The following ITIH6 variants were observed in gnomAD, a reference collection of about 807,000 sequenced individuals.
ITIH6 encodes inter-alpha-trypsin inhibitor heavy chain H6.
A neutral mutation model predicts 58.2 loss-of-function variants in ITIH6; 60 were observed. The observed-to-expected ratio is 1.03, with a 90% CI of 0.84 to 1.28. The LOEUF (loss-of-function observed/expected upper bound fraction) is 1.28, where lower values mean the gene tolerates loss of function less well. ITIH6 is among the 50% of genes most tolerant of loss of function. ITIH6 has a pLI of 0.00. For synonymous variants in ITIH6, 493 were observed against 417.4 expected, an observed-to-expected ratio of 1.18 and a Z score of -2.21; for missense variants, 1,290 against 1,021.1, an observed-to-expected ratio of 1.26 and a Z score of -3.59.
chrX:54,791,188 G>T, intron 3 of ITIH6, 104 bp from the exon 4 acceptor site: 2 of 812,157 alleles, frequency 2.5e-6, no homozygotes, highest in East Asian at 6.9e-5. Flanking sequence ...GGTCCCAGCC[G>T]ACCTGACTAG....
chrX:54,759,308 A>AC (rs368552046), intron 7 of ITIH6, among the ~76,000 whole-genome samples: 1,432 of 108,108 alleles, frequency 0.013, 17 homozygotes, highest in African/African-American at 0.045. Flanking sequence ...CAAGGCTAGC[A>AC]CCCCCCCCTC....
Position 54,748,998 on chromosome X carries a change from T to G in ITIH6, c.*897A>C, listed in dbSNP as rs1602047666. On this transcript the variant is annotated 3_prime_UTR_variant, in exon 13 of 13. Transcript: ENST00000218436. The stretch of plus-strand genomic sequence containing the variant: ...ATCTTTTTATGTCTCTATACCCCTA[T>G]GTCCATGTTTGTTTTGTGATTCCTG... 1 of 111,267 alleles carries G rather than the reference T, an allele frequency of 9.0e-6. No homozygotes were observed. The highest frequency in any genetic ancestry group is 3.8e-4 in the South Asian group (1 of 2,608). The allele number at this position is 111,267 out of a possible 1,213,427, so 9.2% of individuals were successfully genotyped here. A position where few individuals can be genotyped will look rare whatever the true frequency, so the allele number is the denominator to read the frequency against.
chrX:54,766,310 G>T (rs1440832784), intron 6 of ITIH6, among the ~76,000 whole-genome samples: 1 of 93,369 alleles, frequency 1.1e-5, no homozygotes, highest in African/African-American at 4.0e-5. Flanking sequence ...GGGTTTTCTA[G>T]ATAAACAATC....
intron 2 of ITIH6, 105 bp from the exon 3 acceptor site, chrX:54,792,141 G>T: frequency 1.9e-6 from 1 of 539,748 alleles, no homozygotes; most frequent in East Asian, 3.4e-5. Flanking sequence ...GGTAGAGATA[G>T]GGAAAGAGAA....
chrX:54,753,453 C>T (rs995633524), intron 11 of ITIH6, among the ~76,000 whole-genome samples, 198 bp downstream of exon 11: 14 of 110,386 alleles, frequency 1.3e-4, no homozygotes, highest in African/African-American at 2.0e-4. Context: ...CCCTTTTGTG[C>T]GTGTATCTGT....
At chrX:54,797,878 T>C (rs1929471721) in intron 1 of ITIH6, among the ~76,000 whole-genome samples, 1 of 111,053 alleles carries the variant, frequency 9.0e-6, no homozygotes, top group African/African-American at 3.3e-5. Flanking sequence ...ATAATGGGGA[T>C]AATAATATAG....
intron 12 of ITIH6, 92 bp from the exon 13 acceptor site, chrX:54,750,198 T>C: frequency 1.4e-6 from 1 of 706,550 alleles, no homozygotes; most frequent in Non-Finnish European, 2.1e-6. Context: ...TCCAGAGGGA[T>C]TTAAAGGAGG....
In ITIH6 at chrX:54,761,634, C is replaced by T. The variant is rs368003836; in HGVS notation, c.904-1707G>A. Among the ~76,000 whole-genome samples, 9 of 111,088 alleles carry T rather than the reference C, an allele frequency of 8.1e-5. No homozygotes were observed. In the East Asian group the frequency reaches 2.2e-3, roughly 28 times the overall value. ...TTTGTATAAGGTGTAAGGAAGGGAT[C>T]CAGTTTCAGCTTTCTACATATGGCT... On this transcript the variant is annotated intron_variant, in intron 6 of 12. Transcript: ENST00000218436.
At chrX:54,759,094 C>A in intron 7 of ITIH6, 96 bp from the exon 8 acceptor site, 1 of 602,828 alleles carries the variant, frequency 1.7e-6, no homozygotes. Context: ...AGGCTCACAG[C>A]TCCTTATCTT....
rs372699516 is a variant in ITIH6, at chrX:54,788,595, C to T, written c.671G>A (p.Arg224Gln). Residue 224 changes from arginine (R) to glutamine (Q), a missense_variant, in exon 5 of 13, where the codon CGA becomes CAA. Arg to Gln is a conservative substitution (Grantham distance 43, BLOSUM62 1). Transcript: ENST00000218436. Reference protein sequence around the residue: ...TRIERGETCVRITYCPTLQDQ... With the variant: ...TRIERGETCVQITYCPTLQDQ... ...TTGCAATGTCGGGCAGTAGGTGATT[C>T]GGACACAGGTCTCTCCCCTCTCGAT... The T allele has an allele frequency of 4.0e-5, 48 of 1,207,517 alleles. No homozygotes were observed. The highest frequency in any genetic ancestry group is 5.3e-5 in the South Asian group (3 of 56,587).
At chrX:54,776,463 G>A (rs756993122) in intron 5 of ITIH6, among the ~76,000 whole-genome samples, 1 of 110,165 alleles carries the variant, frequency 9.1e-6, no homozygotes, top group Non-Finnish European at 1.9e-5. Flanking sequence ...AGCAGCTAGG[G>A]CAGCTAAGTG....
chrX:54,758,070 G>A lies in ITIH6; in HGVS notation c.2004C>T (p.Phe668=). 1 of 1,211,540 alleles carries A rather than the reference G, an allele frequency of 8.3e-7. No individual in the cohort carries two copies. The highest frequency in any genetic ancestry group is 3.0e-5 in the East Asian group (1 of 33,824). The change falls in exon 8 of 13, where the codon TTC becomes TTT. Residue 668 remains phenylalanine, a synonymous_variant. Transcript: ENST00000218436. ...AGGCAGTAGTAGTTGAGGATAAGTAGAACTTTGGTTTCACAGGCCTTGATT... is the reference window on the plus strand; with the variant it reads ...AGGCAGTAGTAGTTGAGGATAAGTAAAACTTTGGTTTCACAGGCCTTGATT... The part of the protein sequence containing the change: ...SPKSRPVKPK[F]YLSSTTTAST...
At chrX:54,764,915 G>A (rs1385071888) in intron 6 of ITIH6, among the ~76,000 whole-genome samples, 1 of 98,738 alleles carries the variant, frequency 1.0e-5, no homozygotes. Context: ...ATCCTCTCCA[G>A]CACCTGTTGT....
chrX:54,773,940 C>G (rs1050334941), intron 6 of ITIH6, 141 bp downstream of exon 6: 1 of 323,064 alleles, frequency 3.1e-6, no homozygotes, highest in African/African-American at 2.8e-5. Context: ...TACCAGGACC[C>G]TAGGGTAGGC....
intron 6 of ITIH6, among the ~76,000 whole-genome samples, chrX:54,772,636 A>T (rs1317077730): frequency 8.9e-6 from 1 of 112,333 alleles, no homozygotes; most frequent in Admixed American, 9.4e-5. Flanking sequence ...ATGCCTTCTC[A>T]TTTTAGGTTG....
intron 8 of ITIH6, among the ~76,000 whole-genome samples, chrX:54,755,586 GT>G (rs1354513624): frequency 1.8e-5 from 2 of 110,834 alleles, no homozygotes; most frequent in Non-Finnish European, 1.9e-5. Flanking sequence ...ATGAGCTGGA[GT>G]TCGAAGGGCA....
At chrX:54,752,114 T>C (rs1363434227) in intron 11 of ITIH6, among the ~76,000 whole-genome samples, 5 of 111,725 alleles carry the variant, frequency 4.5e-5, no homozygotes, top group African/African-American at 1.6e-4. Flanking sequence ...TGTCAAAATA[T>C]GTACACCATG....
At chrX:54,774,931 G>T (rs1399580747) in intron 5 of ITIH6, among the ~76,000 whole-genome samples, 3 of 111,687 alleles carry the variant, frequency 2.7e-5, no homozygotes, top group Non-Finnish European at 5.7e-5. Context: ...CTGGCTGAGG[G>T]TCTGTGCTAC....
At chrX:54,796,416 T>G (rs1445356023) in intron 2 of ITIH6, among the ~76,000 whole-genome samples, 1 of 112,280 alleles carries the variant, frequency 8.9e-6, no homozygotes, top group Non-Finnish European at 1.9e-5. Flanking sequence ...CCGGGTGTGG[T>G]GGCTCATGCC....
Sources: gnomAD v4.1 joint callset for allele counts (sites outside exome capture counted in the v4.1 genomes callset) on GRCh38, gnomAD v4.1.1 for gene constraint, MANE v1.5 for transcripts, NCBI Gene and HGNC (gene_info 2026-07-23, HGNC 2026-07-21) for gene names.